Variants in FGF12 observed in about 807,000 individuals in gnomAD.
The protein encoded by FGF12 is fibroblast growth factor 12.
Under a neutral mutation model 23.6 loss-of-function variants are expected in FGF12, and 14 were observed. The ratio of observed to expected loss-of-function variants is 0.59; its 90% CI spans 0.39 to 0.93. The LOEUF (loss-of-function observed/expected upper bound fraction) is 0.93. FGF12 is among the 40% of genes least tolerant of loss of function. The pLI is 0.00. For synonymous variants in FGF12, 62 were observed against 77.3 expected (o/e 0.80, Z 1.04); for missense variants, 175 against 217.8 (o/e 0.80, Z 1.24).
intron 4 of FGF12, among the ~76,000 whole-genome samples, chr3:192,288,670 G>T (rs541253407): frequency 1.7e-4 from 26 of 152,134 alleles, no homozygotes; most frequent in African/African-American, 5.5e-4. Flanking sequence ...ATGTACTTAA[G>T]CAATGGAGCT....
intron 2 of FGF12, among the ~76,000 whole-genome samples, chr3:192,589,499 CAAG>C (rs1713534851): frequency 6.6e-6 from 1 of 151,786 alleles, no homozygotes; most frequent in Admixed American, 6.6e-5. Context: ...AGTTAGCTAA[CAAG>C]AGGAAAAACA....
chr3:192,673,523 T>C (rs1425809296), intron 2 of FGF12, among the ~76,000 whole-genome samples: 6 of 150,790 alleles, frequency 4.0e-5, no homozygotes, highest in Admixed American at 1.3e-4. Flanking sequence ...TAGCCATTAG[T>C]CCTGATGCTC....
chr3:192,610,475 C>G (rs965981573), intron 2 of FGF12, among the ~76,000 whole-genome samples: 1 of 152,056 alleles, frequency 6.6e-6, no homozygotes, highest in African/African-American at 2.4e-5. Flanking sequence ...AATCTGGCCA[C>G]TGTTTATCTC....
At chr3:192,329,557 G>C (rs1717000386) in intron 4 of FGF12, among the ~76,000 whole-genome samples, 1 of 152,088 alleles carries the variant, frequency 6.6e-6, no homozygotes, top group Non-Finnish European at 1.5e-5. Context: ...AAAAAGATGT[G>C]AGTCAATTTA....
chr3:192,439,662 CAG>C lies in FGF12; in HGVS notation c.14-79126_14-79125del, dbSNP rs575964541. 3.6e-4 allele frequency among the ~76,000 whole-genome samples: 55 copies of C among 152,176 alleles called. 1 individual carries two copies. In the South Asian group the frequency reaches 0.011, roughly 32 times the overall value. ...TAAATGGGAAATTGCATCTGTGAGC[CAG>C]AGAGGTACATGTTGTATAAAAGCAT... On this transcript the variant is annotated intron_variant, in intron 2 of 5. Transcript: ENST00000445105.
At chr3:192,233,192 T>C (rs991394066) in intron 4 of FGF12, among the ~76,000 whole-genome samples, 1 of 152,246 alleles carries the variant, frequency 6.6e-6, no homozygotes, top group African/African-American at 2.4e-5. Flanking sequence ...CATTCCCTTT[T>C]TTCCACAACC....
At chr3:192,443,255 A>G (rs528401315) in intron 2 of FGF12, among the ~76,000 whole-genome samples, 15 of 152,342 alleles carry the variant, frequency 9.8e-5, no homozygotes, top group Admixed American at 2.6e-4. Context: ...TAAACATCAT[A>G]GTATTCAGAG....
intron 4 of FGF12, among the ~76,000 whole-genome samples, chr3:192,188,527 A>T (rs9837619): frequency 0.023 from 3,446 of 152,222 alleles, 142 homozygotes; most frequent in African/African-American, 0.079. Flanking sequence ...TCTTTCAAAA[A>T]CTGCAGTGGA....
At chr3:192,231,100 T>C (rs553373939) in intron 4 of FGF12, among the ~76,000 whole-genome samples, 16 of 152,292 alleles carry the variant, frequency 1.1e-4, no homozygotes, top group African/African-American at 3.8e-4. Flanking sequence ...TGATTAATTT[T>C]ATCTGTTAAG....
At chr3:192,685,636 G>A (rs1172037673) in intron 2 of FGF12, among the ~76,000 whole-genome samples, 1 of 152,136 alleles carries the variant, frequency 6.6e-6, no homozygotes. Context: ...GCAGGTACCA[G>A]CACGGAGGAG....
chr3:192,226,151 T>G (rs558044378), intron 4 of FGF12, among the ~76,000 whole-genome samples: 60 of 152,306 alleles, frequency 3.9e-4, no homozygotes, highest in Middle Eastern at 3.4e-3. Flanking sequence ...CCCATTCTTC[T>G]ATAGCCTCTC....
intron 4 of FGF12, among the ~76,000 whole-genome samples, chr3:192,191,412 T>C (rs1174222741): frequency 1.3e-5 from 2 of 152,204 alleles, no homozygotes; most frequent in Admixed American, 6.5e-5. Context: ...GGGTCATACA[T>C]TGTAACTAAT....
chr3:192,521,227 A>T (rs1171428883), intron 2 of FGF12: 1 of 152,132 alleles, frequency 6.6e-6, no homozygotes. Flanking sequence ...CATATCTCTA[A>T]TTATGATTGA....
At chr3:192,399,510 C>G (rs1365107982) in intron 2 of FGF12, among the ~76,000 whole-genome samples, 5 of 152,140 alleles carry the variant, frequency 3.3e-5, no homozygotes, top group Admixed American at 2.6e-4. Flanking sequence ...CAGAAGAGAT[C>G]ATCATTATAA....
intron 2 of FGF12, among the ~76,000 whole-genome samples, chr3:192,387,720 T>A (rs1720107355): frequency 6.8e-6 from 1 of 148,110 alleles, no homozygotes; most frequent in Non-Finnish European, 1.5e-5. Context: ...ACACACACAA[T>A]ATATATATAT....
intron 2 of FGF12, among the ~76,000 whole-genome samples, chr3:192,539,282 A>G (rs1215741490): frequency 6.6e-6 from 1 of 152,314 alleles, no homozygotes; most frequent in Middle Eastern, 3.4e-3. Context: ...GGTCTGTCAT[A>G]TATGGGTTTT....
intron 4 of FGF12, among the ~76,000 whole-genome samples, chr3:192,329,314 G>A (rs7637432): frequency 0.054 from 8,254 of 152,164 alleles, 730 homozygotes; most frequent in African/African-American, 0.18. Context: ...GAATTACATA[G>A]GTACAGAAGA....
chr3:192,718,161 C>CTTTTTTTTT lies in FGF12; in HGVS notation c.13+9011_13+9019dup, dbSNP rs71177369. ...GTTTGTCATTATTCTGTTAGTCTTT[C>CTTTTTTTTT]TTTTTTTTTTTTTTTTTTTTTTTTA... On this transcript the variant is annotated intron_variant, in intron 2 of 5. Transcript: ENST00000445105. 9.7e-4 allele frequency among the ~76,000 whole-genome samples: 76 copies of CTTTTTTTTT among 77,966 alleles called. 3 individuals are homozygous for CTTTTTTTTT. Among genetic ancestry groups the CTTTTTTTTT allele is most frequent in the African/African-American group, 3.7e-3 (75 of 20,488 alleles). The allele number at this position is 77,966 out of a possible 152,430, so 51.1% of individuals were successfully genotyped here.
chr3:192,513,020 C>T, intron 2 of FGF12, among the ~76,000 whole-genome samples: 1 of 151,254 alleles, frequency 6.6e-6, no homozygotes, highest in East Asian at 1.9e-4. Context: ...TTGGATCTAT[C>T]GCTATTTAGG....
Sources: allele counts gnomAD v4.1 joint callset (sites outside exome capture counted in the v4.1 genomes callset), GRCh38; gene constraint gnomAD v4.1.1; transcripts MANE v1.5; gene names NCBI Gene and HGNC (gene_info 2026-07-23, HGNC 2026-07-21).